The following SCHIP1 variants were observed in gnomAD, a reference collection of about 807,000 sequenced individuals.
SCHIP1 encodes schwannomin interacting protein 1, also known as schwannomin-interacting protein 1.
In SCHIP1, 8 loss-of-function variants were observed where a neutral mutation model predicts 29.7. That is an observed-to-expected ratio of 0.27 (90% CI 0.16 to 0.49). The LOEUF (loss-of-function observed/expected upper bound fraction) is 0.49, where lower values mean the gene tolerates loss of function less well. Ranked by LOEUF, SCHIP1 falls within the 20% of genes least tolerant of loss-of-function variation. The pLI, the probability that SCHIP1 is intolerant of heterozygous loss-of-function variation, is 0.99. For missense variants in SCHIP1, 193 were observed against 294.6 expected (o/e 0.66, Z 2.52); for synonymous variants, 76 against 94.9 (o/e 0.80, Z 1.16).
chr3:159,414,702 C>A, the SCHIP1 span, among the ~76,000 whole-genome samples: 1 of 152,090 alleles, frequency 6.6e-6, no homozygotes, highest in Non-Finnish European at 1.5e-5. Flanking sequence ...CTTTCTGTCA[C>A]CAGGGACCGG....
At chr3:159,412,793 G>T in the SCHIP1 span, among the ~76,000 whole-genome samples, 2 of 152,120 alleles carry the variant, frequency 1.3e-5, no homozygotes, top group Admixed American at 6.6e-5. Flanking sequence ...TACTAAACAG[G>T]TGACAGACAC....
At chr3:159,491,713 C>G in the SCHIP1 span, among the ~76,000 whole-genome samples, 1 of 152,232 alleles carries the variant, frequency 6.6e-6, no homozygotes, top group Non-Finnish European at 1.5e-5. Context: ...ATAACCTCTG[C>G]AGACTTAAAT....
chr3:159,513,651 G>A, the SCHIP1 span, among the ~76,000 whole-genome samples: 23 of 152,090 alleles, frequency 1.5e-4, no homozygotes, highest in Non-Finnish European at 2.9e-5. Flanking sequence ...CCATGGAGAC[G>A]GTCTGAAATG....
At chr3:159,611,803 C>G in the SCHIP1 span, among the ~76,000 whole-genome samples, 16 of 152,044 alleles carry the variant, frequency 1.1e-4, no homozygotes, top group Non-Finnish European at 2.4e-4. Context: ...GAAGAAGATG[C>G]CCATCAAATA....
the SCHIP1 span, among the ~76,000 whole-genome samples, chr3:159,551,234 G>A: frequency 6.6e-6 from 1 of 152,174 alleles, no homozygotes; most frequent in Non-Finnish European, 1.5e-5. Flanking sequence ...CAGGTCCCCA[G>A]AGTAAATAAA....
the SCHIP1 span, among the ~76,000 whole-genome samples, chr3:159,732,452 A>G: frequency 1.3e-5 from 2 of 152,204 alleles, no homozygotes; most frequent in Non-Finnish European, 1.5e-5. Flanking sequence ...TTTGCCCTCT[A>G]TAATCGTTCT....
the SCHIP1 span, among the ~76,000 whole-genome samples, chr3:159,554,313 T>C: frequency 1.6e-4 from 24 of 152,232 alleles, no homozygotes; most frequent in African/African-American, 5.3e-4. Context: ...CCCTAATATA[T>C]GTATGCATGG....
At chr3:159,458,775 T>C in the SCHIP1 span, among the ~76,000 whole-genome samples, 2 of 152,164 alleles carry the variant, frequency 1.3e-5, no homozygotes, top group African/African-American at 4.8e-5. Context: ...AGGGAATTAA[T>C]CTTTTATCCA....
chr3:159,366,749 C>G, the SCHIP1 span, among the ~76,000 whole-genome samples: 1 of 152,160 alleles, frequency 6.6e-6, no homozygotes, highest in Admixed American at 6.5e-5. Context: ...CCCACATCTC[C>G]CACTATGCCT....
chr3:159,694,537 CAAGAAAGAAAGA>C, the SCHIP1 span, among the ~76,000 whole-genome samples: 25,053 of 119,182 alleles, frequency 0.21, 2,824 homozygotes, highest in East Asian at 0.3. Flanking sequence ...AAAGAAAAGA[CAAGAAAGAAAGA>C]AAGAAAGAAA....
the SCHIP1 span, among the ~76,000 whole-genome samples, chr3:159,597,884 G>A: frequency 1.3e-5 from 2 of 152,128 alleles, no homozygotes; most frequent in Non-Finnish European, 2.9e-5. Context: ...AACAAAAGAG[G>A]TTTCATGGAC....
At chr3:159,750,645 A>G in the SCHIP1 span, among the ~76,000 whole-genome samples, 1,116 of 152,246 alleles carry the variant, frequency 7.3e-3, 10 homozygotes, top group African/African-American at 0.026. Flanking sequence ...TGTGTCCTTC[A>G]CAGCTAAACA....
the SCHIP1 span, among the ~76,000 whole-genome samples, chr3:159,399,953 C>T: frequency 6.6e-6 from 1 of 152,192 alleles, no homozygotes; most frequent in Non-Finnish European, 1.5e-5. Context: ...GCTGAGATTA[C>T]AGGCTTCACC....
At chr3:159,678,348 C>T in the SCHIP1 span, among the ~76,000 whole-genome samples, 5 of 152,272 alleles carry the variant, frequency 3.3e-5, no homozygotes, top group South Asian at 2.1e-4. Context: ...GATTGATAGT[C>T]CCCTTCTTAC....
chr3:159,818,731 G>T, the SCHIP1 span, among the ~76,000 whole-genome samples: 1 of 152,260 alleles, frequency 6.6e-6, no homozygotes, highest in Non-Finnish European at 1.5e-5. Flanking sequence ...ACAGAGCAAA[G>T]GTCAGCTGTG....
the SCHIP1 span, among the ~76,000 whole-genome samples, chr3:159,553,446 T>C: frequency 1.3e-5 from 2 of 152,214 alleles, no homozygotes; most frequent in African/African-American, 4.8e-5. Context: ...GTTCAATGTA[T>C]GGCCTTTATT....
chr3:159,356,196 CTT>C, the SCHIP1 span, among the ~76,000 whole-genome samples: 1 of 149,214 alleles, frequency 6.7e-6, no homozygotes, highest in Non-Finnish European at 1.5e-5. Flanking sequence ...TACCCTAAAA[CTT>C]AAAGTATAAT....
At chr3:159,430,897 A>T in the SCHIP1 span, among the ~76,000 whole-genome samples, 1,353 of 152,182 alleles carry the variant, frequency 8.9e-3, 17 homozygotes, top group African/African-American at 0.032. Flanking sequence ...CAAAATACAG[A>T]GCAGTGCTCC....
the SCHIP1 span, among the ~76,000 whole-genome samples, chr3:159,388,831 T>C: frequency 6.6e-6 from 1 of 152,168 alleles, no homozygotes; most frequent in African/African-American, 2.4e-5. Context: ...ATAAAGTATC[T>C]TGAAACAATC....
Sources: gnomAD v4.1 joint callset for allele counts (sites outside exome capture counted in the v4.1 genomes callset) on GRCh38, gnomAD v4.1.1 for gene constraint, MANE v1.5 for transcripts, NCBI Gene and HGNC (gene_info 2026-07-23, HGNC 2026-07-21) for gene names.